The following MDGA2 variants were observed in gnomAD, a reference collection of about 807,000 sequenced individuals.
The protein encoded by MDGA2 is MAM domain containing glycosylphosphatidylinositol anchor 2, also known as MAM domain-containing glycosylphosphatidylinositol anchor protein 2.
Under a neutral mutation model 117.8 loss-of-function variants are expected in MDGA2, and 40 were observed. The observed-to-expected ratio is 0.34, with a 90% CI of 0.26 to 0.44. The LOEUF (loss-of-function observed/expected upper bound fraction) is 0.44. MDGA2 is among the 20% of genes least tolerant of loss of function. MDGA2 has a pLI of 1.00. For missense variants in MDGA2, 1,123 were observed against 1,250.6 expected, an observed-to-expected ratio of 0.90 and a Z score of 1.54; for synonymous variants, 452 against 439.0, an observed-to-expected ratio of 1.03 and a Z score of -0.37.
intron 5 of MDGA2, among the ~76,000 whole-genome samples, chr14:47,104,000 A>C (rs1330233412): frequency 6.6e-6 from 1 of 152,090 alleles, no homozygotes; most frequent in African/African-American, 2.4e-5. Context: ...GAAACAGCAC[A>C]CTCTGCATGA....
chr14:47,349,594 A>G (rs999383582), intron 1 of MDGA2, among the ~76,000 whole-genome samples: 1 of 152,186 alleles, frequency 6.6e-6, no homozygotes, highest in Non-Finnish European at 1.5e-5. Context: ...AGCCTTTTTT[A>G]GGAGTATGTT....
At chr14:47,147,287 C>T (rs1006097918) in intron 3 of MDGA2, among the ~76,000 whole-genome samples, 7 of 151,700 alleles carry the variant, frequency 4.6e-5, no homozygotes, top group African/African-American at 1.7e-4. Flanking sequence ...TGATTTAGGA[C>T]AGGTTTCTGA....
At chr14:47,115,550 GTTAA>G (rs1211422827) in intron 5 of MDGA2, among the ~76,000 whole-genome samples, 1 of 151,740 alleles carries the variant, frequency 6.6e-6, no homozygotes, top group East Asian at 1.9e-4. Context: ...CTTCCACATG[GTTAA>G]TTAAATAAAA....
At chr14:47,052,950 C>G (rs1213936871) in intron 7 of MDGA2, among the ~76,000 whole-genome samples, 1 of 151,866 alleles carries the variant, frequency 6.6e-6, no homozygotes, top group Non-Finnish European at 1.5e-5. Flanking sequence ...CTCACTCTTT[C>G]CATATTCAAT....
chr14:47,052,122 T>G (rs1377678401), intron 7 of MDGA2, among the ~76,000 whole-genome samples: 1 of 151,870 alleles, frequency 6.6e-6, no homozygotes, highest in Non-Finnish European at 1.5e-5. Flanking sequence ...TAAATGCAAA[T>G]TTTGAAGCTA....
At chr14:47,458,950 G>A (rs1182051347) in intron 1 of MDGA2, among the ~76,000 whole-genome samples, 1 of 149,700 alleles carries the variant, frequency 6.7e-6, no homozygotes, top group African/African-American at 2.5e-5. Context: ...ATGGTTCTGT[G>A]GGATGAAGGT....
rs1191275367 is a variant in MDGA2 at position 47,409,427 on chromosome 14, A to C, written c.281-107877T>G. 2.0e-5 allele frequency among the ~76,000 whole-genome samples: 3 copies of C among 152,348 alleles called. No individual in the cohort carries two copies. In the East Asian group the frequency reaches 5.8e-4, roughly 29 times the overall value. ...CTAGATGGCTTCACTTAATTATCACAAATATATCACACTATTATCAAACAT... is the reference window on the plus strand; with the variant it reads ...CTAGATGGCTTCACTTAATTATCACCAATATATCACACTATTATCAAACAT... On this transcript the variant is annotated intron_variant, in intron 1 of 16. Transcript: ENST00000399232.
chr14:46,988,989 T>C (rs1422509863), intron 8 of MDGA2, among the ~76,000 whole-genome samples: 2 of 152,008 alleles, frequency 1.3e-5, no homozygotes, highest in East Asian at 1.9e-4. Flanking sequence ...AGCATATCCA[T>C]GGCATAAGCT....
chr14:47,358,617 C>A (rs758451040), intron 1 of MDGA2, among the ~76,000 whole-genome samples: 10 of 152,144 alleles, frequency 6.6e-5, no homozygotes, highest in African/African-American at 1.4e-4. Context: ...AGTCAAGTTG[C>A]AGGATGAAAA....
chr14:47,053,601 GTATATATATATATATATATATA>G (rs373802720), intron 7 of MDGA2, among the ~76,000 whole-genome samples: 6,364 of 107,566 alleles, frequency 0.059, 301 homozygotes, highest in African/African-American at 0.089. Context: ...GTGTGTATGT[GTATATATATATATATATATATA>G]TATATATATA....
Position 46,855,268 on chromosome 14 carries a change from G to T in MDGA2, c.2753-114C>A. Reference sequence around the variant, plus strand: ...CTGAAATTTTACAGAACACTCTAGTGTCTTGTCCTCTCTTCTCCTCTCATT... The same window carrying T: ...CTGAAATTTTACAGAACACTCTAGTTTCTTGTCCTCTCTTCTCCTCTCATT... On this transcript the variant is annotated intron_variant, in intron 14 of 16. Transcript: ENST00000399232. This position sits in a 1 kb window ranked among gnomAD's most constrained non-coding sequence, Gnocchi z 4.1. The T allele has an allele frequency of 1.3e-6, 1 of 754,354 alleles. No homozygotes were observed. The highest frequency in any genetic ancestry group is 2.1e-6 in the Non-Finnish European group (1 of 486,088). 46.7% of individuals were successfully genotyped at this position (754,354 alleles called of 1,614,324 possible).
rs577520922 is a variant in MDGA2 at position 47,529,525 on chromosome 14, G to T, written c.280+144992C>A. 2.3e-3 allele frequency among the ~76,000 whole-genome samples: 354 copies of T among 152,024 alleles called. 3 individuals are homozygous for T. Among genetic ancestry groups the T allele is most frequent in the Non-Finnish European group, 3.9e-3 (267 of 67,976 alleles). On this transcript the variant is annotated intron_variant, in intron 1 of 16. Coordinates refer to ENST00000399232, the MANE Select transcript of MDGA2 (RefSeq NM_001113498.3). ...TACTTTTAGTTATTTTATTATAATA[G>T]AGAAGATTTAATTAAATAATAATAA...
At chr14:46,929,169 C>G (rs1357289432) in intron 9 of MDGA2, among the ~76,000 whole-genome samples, 1 of 152,080 alleles carries the variant, frequency 6.6e-6, no homozygotes, top group South Asian at 2.1e-4. Context: ...AAGTGTCTTT[C>G]TTAGGCTTGA....
intron 2 of MDGA2, among the ~76,000 whole-genome samples, chr14:47,253,146 G>C (rs1274890322): frequency 6.6e-6 from 1 of 152,060 alleles, no homozygotes; most frequent in Non-Finnish European, 1.5e-5. Context: ...GATGAGATTT[G>C]AGTGAGGACA....
chr14:47,660,138 A>G (rs893158936), intron 1 of MDGA2, among the ~76,000 whole-genome samples: 4 of 152,196 alleles, frequency 2.6e-5, no homozygotes, highest in Non-Finnish European at 5.9e-5. Flanking sequence ...GTGAATGTAT[A>G]ATGAATTTCA....
At chr14:47,252,738 A>G (rs1887488584) in intron 2 of MDGA2, among the ~76,000 whole-genome samples, 2 of 152,196 alleles carry the variant, frequency 1.3e-5, no homozygotes. Context: ...CTGGCAAAGG[A>G]GTGAGGAGAA....
chr14:47,126,867 C>G (rs1243412689), intron 5 of MDGA2, among the ~76,000 whole-genome samples: 1 of 152,072 alleles, frequency 6.6e-6, no homozygotes, highest in South Asian at 2.1e-4. Context: ...ATTTTTACTT[C>G]TAGTATACAT....
chr14:47,622,290 T>G (rs1316729840), intron 1 of MDGA2, among the ~76,000 whole-genome samples: 2 of 152,188 alleles, frequency 1.3e-5, no homozygotes, highest in African/African-American at 4.8e-5. Flanking sequence ...CAATAAATAT[T>G]TATTGAACAC....
chr14:46,982,734 A>AAAAAAAAAAAAAAAAATAATAAT (rs1449356596), intron 8 of MDGA2, among the ~76,000 whole-genome samples: 1 of 130,326 alleles, frequency 7.7e-6, no homozygotes, highest in Non-Finnish European at 1.7e-5. Flanking sequence ...AAAAAAAAAA[A>AAAAAAAAAAAAAAAAATAATAAT]AATCATGTCA....
Sources: allele counts gnomAD v4.1 joint callset (sites outside exome capture counted in the v4.1 genomes callset), GRCh38; gene constraint gnomAD v4.1.1; non-coding constraint Gnocchi (gnomAD v3.1); transcripts MANE v1.5; gene names NCBI Gene and HGNC (gene_info 2026-07-23, HGNC 2026-07-21).